The following COL11A1 variants were observed in gnomAD, a reference collection of about 807,000 sequenced individuals.
COL11A1 encodes collagen type XI alpha 1 chain.
In COL11A1, 74 loss-of-function variants were observed where a neutral mutation model predicts 265.2. The observed-to-expected ratio is 0.28, with a 90% CI of 0.23 to 0.34. The LOEUF (loss-of-function observed/expected upper bound fraction) is 0.34. COL11A1 is among the 10% of genes least tolerant of loss of function. The probability of loss-of-function intolerance (pLI) is 1.00; values close to 1 mark genes in which losing one functional copy is unlikely to be tolerated. For missense variants in COL11A1, 2,165 were observed against 2,263.6 expected, an observed-to-expected ratio of 0.96 and a Z score of 0.88; for synonymous variants, 816 against 727.6, an observed-to-expected ratio of 1.12 and a Z score of -1.96.
chr1:102,918,362 T>C (rs1655592843), intron 49 of COL11A1, among the ~76,000 whole-genome samples: 1 of 151,950 alleles, frequency 6.6e-6, no homozygotes, highest in Non-Finnish European at 1.5e-5. Context: ...GTGCAAAAGT[T>C]ATTTATAGCA....
At chr1:102,996,970 A>G (rs1664689211) in intron 26 of COL11A1, 110 bp downstream of exon 26, 2 of 882,786 alleles carry the variant, frequency 2.3e-6, no homozygotes, top group Admixed American at 1.9e-5. Context: ...TCTTTTTTAT[A>G]CCCAAAATAA....
At position 102,912,016 on chromosome 1, in the gene COL11A1, G is replaced by A. The variant is rs145279126; in HGVS notation, c.4086+143C>T. ...ATATGTTCTATTTTAGTTATTATTT[G>A]GCACATTTAAAAATTGTTTTTAGGA... On this transcript the variant is annotated intron_variant, in intron 54 of 66. Coordinates refer to ENST00000370096, the MANE Select transcript of COL11A1 (RefSeq NM_001854.4). 302 of 688,564 alleles carry A rather than the reference G, an allele frequency of 4.4e-4. 1 individual carries two copies. Among genetic ancestry groups the A allele is most frequent in the African/African-American group, 3.9e-3 (215 of 54,782 alleles). 42.7% of individuals were successfully genotyped at this position (688,564 alleles called of 1,614,324 possible).
At chr1:103,044,438 G>T (rs957623239) in intron 4 of COL11A1, among the ~76,000 whole-genome samples, 7 of 151,982 alleles carry the variant, frequency 4.6e-5, no homozygotes, top group Non-Finnish European at 8.8e-5. Flanking sequence ...TATATTACTT[G>T]AATGTACTTC....
chr1:103,053,707 G>A (rs966751850), intron 4 of COL11A1, among the ~76,000 whole-genome samples: 2 of 152,102 alleles, frequency 1.3e-5, no homozygotes, highest in Admixed American at 6.5e-5. Context: ...GTCAGTAGTG[G>A]AACTTAAATA....
chr1:102,889,404 T>TGTGTGTGTGG (rs764225064), intron 59 of COL11A1, 51 bp downstream of exon 59: 3 of 1,072,470 alleles, frequency 2.8e-6, no homozygotes, highest in Non-Finnish European at 4.4e-6. Context: ...TGTGTGTGTG[T>TGTGTGTGTGG]GTGTGTATTA....
chr1:103,028,442 A>AAT (rs1405965387), intron 5 of COL11A1, among the ~76,000 whole-genome samples: 2 of 152,282 alleles, frequency 1.3e-5, no homozygotes, highest in Middle Eastern at 3.4e-3. Flanking sequence ...GTATATTCGC[A>AAT]ATATATATAC....
In COL11A1 at chr1:103,051,391, G is replaced by T. The variant is rs1328595752; in HGVS notation, c.652-20147C>A. 2.0e-5 allele frequency among the ~76,000 whole-genome samples: 3 copies of T among 152,316 alleles called. No individual in the cohort carries two copies. In the East Asian group the frequency reaches 5.8e-4, roughly 29 times the overall value. ...TCAGTGAGACTCCGTGGGCACGTAG[G>T]ACCCTCTGAGCCATGTGCGGGATAT... On this transcript the variant is annotated intron_variant, in intron 4 of 66. Transcript: ENST00000370096.
In COL11A1 at chr1:102,894,180, C is replaced by A. The variant is rs147542809; in HGVS notation, c.4303-3676G>T. 5.7e-3 allele frequency among the ~76,000 whole-genome samples: 870 copies of A among 152,190 alleles called. 1 individual carries two copies. The highest frequency in any genetic ancestry group is 6.8e-3 in the Middle Eastern group (2 of 294). On this transcript the variant is annotated intron_variant, in intron 57 of 66. Transcript: ENST00000370096. ...ATTTTAGTTTTAAAAGTGACTAAAT[C>A]ATTTTAATTTTGACTTTGTATCAGA...
intron 18 of COL11A1, 135 bp downstream of exon 18, chr1:103,005,703 A>C: frequency 1.1e-6 from 1 of 922,310 alleles, no homozygotes; most frequent in Non-Finnish European, 1.7e-6. Flanking sequence ...TTTTCCTTCT[A>C]GTATCTATTA....
At chr1:102,971,352 C>G (rs904975661) in intron 36 of COL11A1, among the ~76,000 whole-genome samples, 1 of 152,154 alleles carries the variant, frequency 6.6e-6, no homozygotes, top group Non-Finnish European at 1.5e-5. Flanking sequence ...GAAACTGCTT[C>G]TTTAGACTGC....
At chr1:103,060,452 A>AT (rs1300149877) in intron 4 of COL11A1, among the ~76,000 whole-genome samples, 1 of 152,168 alleles carries the variant, frequency 6.6e-6, no homozygotes, top group African/African-American at 2.4e-5. Context: ...ATTTTTTATT[A>AT]TTATTAATTG....
chr1:102,954,826 A>G (rs1228133868), intron 41 of COL11A1, among the ~76,000 whole-genome samples: 1 of 146,564 alleles, frequency 6.8e-6, no homozygotes, highest in Non-Finnish European at 1.5e-5. Context: ...ACTGGGCGAC[A>G]AGAGCGAAAC....
intron 1 of COL11A1, among the ~76,000 whole-genome samples, chr1:103,101,847 T>C (rs1197199302): frequency 6.6e-6 from 1 of 152,110 alleles, no homozygotes; most frequent in Non-Finnish European, 1.5e-5. Context: ...TTTAAGCTGG[T>C]CTCTTACTCT....
chr1:102,937,253 T>G (rs901217554), intron 44 of COL11A1, among the ~76,000 whole-genome samples: 1 of 152,156 alleles, frequency 6.6e-6, no homozygotes, highest in Non-Finnish European at 1.5e-5. Context: ...GGCAAAAATA[T>G]TTGAGATTTG....
intron 29 of COL11A1, among the ~76,000 whole-genome samples, chr1:102,988,874 C>G (rs961324524): frequency 6.6e-6 from 1 of 151,862 alleles, no homozygotes; most frequent in Non-Finnish European, 1.5e-5. Context: ...ATGTTATTGC[C>G]CCCAATCCTG....
chr1:102,925,325 T>C (rs1656476571), intron 46 of COL11A1, among the ~76,000 whole-genome samples: 1 of 152,140 alleles, frequency 6.6e-6, no homozygotes, highest in East Asian at 1.9e-4. Context: ...TTCTATTTCA[T>C]TTTTTCAATG....
intron 4 of COL11A1, among the ~76,000 whole-genome samples, chr1:103,066,446 C>T (rs147660286): frequency 6.8e-6 from 1 of 147,110 alleles, no homozygotes; most frequent in African/African-American, 2.5e-5. Context: ...CATTTTGGTA[C>T]AAATTTTACA....
At chr1:103,046,912 C>G (rs1199022833) in intron 4 of COL11A1, among the ~76,000 whole-genome samples, 2 of 152,046 alleles carry the variant, frequency 1.3e-5, no homozygotes, top group Non-Finnish European at 2.9e-5. Context: ...GATCAGATAG[C>G]TGTAGATATG....
chr1:102,896,729 GT>G (rs1343327582), intron 57 of COL11A1, among the ~76,000 whole-genome samples: 2 of 152,108 alleles, frequency 1.3e-5, no homozygotes, highest in Non-Finnish European at 2.9e-5. Context: ...ATGTCAGAAG[GT>G]TTTATTTTTA....
Sources: allele counts gnomAD v4.1 joint callset (sites outside exome capture counted in the v4.1 genomes callset), GRCh38; gene constraint gnomAD v4.1.1; transcripts MANE v1.5; gene names NCBI Gene and HGNC (gene_info 2026-07-23, HGNC 2026-07-21).